The following DDX23 variants were observed in gnomAD, a reference collection of about 807,000 sequenced individuals.
DDX23 encodes the protein probable ATP-dependent RNA helicase DDX23.
A neutral mutation model predicts 102.7 loss-of-function variants in DDX23; 33 were observed. The observed-to-expected ratio is 0.32, with a 90% CI of 0.24 to 0.43. DDX23 has a LOEUF of 0.43. DDX23 is among the 20% of genes least tolerant of loss of function. The pLI is 1.00. For missense variants in DDX23, 549 were observed against 1,086.6 expected (o/e 0.51, Z 6.96); for synonymous variants, 352 against 376.0 (o/e 0.94, Z 0.74).
chr12:48,829,767 A>G lies in DDX23; in HGVS notation c.*702T>C, dbSNP rs150677223. The G allele has an allele frequency of 1.5e-3, 308 of 199,380 alleles. No individual in the cohort carries two copies. The highest frequency in any genetic ancestry group is 7.1e-3 in the African/African-American group (302 of 42,294). 12.4% of individuals were successfully genotyped at this position (199,380 alleles called of 1,614,324 possible). ...ACTAGAACTAGATCTAACAGTCTTA[A>G]TATTCATGTATTTATTCTCAGAACA... On this transcript the variant is annotated 3_prime_UTR_variant, in exon 17 of 17. Transcript: ENST00000308025.
chr12:48,845,359 G>T (rs1345114175), intron 2 of DDX23, among the ~76,000 whole-genome samples: 2 of 152,134 alleles, frequency 1.3e-5, no homozygotes, highest in Non-Finnish European at 2.9e-5. Context: ...GGAGGCAGAG[G>T]CAGGAGAATG....
intron 8 of DDX23, 29 bp from the exon 9 acceptor site, chr12:48,837,066 A>C: frequency 6.2e-7 from 1 of 1,613,098 alleles, no homozygotes; most frequent in Non-Finnish European, 8.5e-7. Context: ...AAAAGAAAAA[A>C]GAAGGAGCTG....
chr12:48,835,664 T>C (rs1938459114), intron 11 of DDX23, among the ~76,000 whole-genome samples: 1 of 151,960 alleles, frequency 6.6e-6, no homozygotes, highest in Non-Finnish European at 1.5e-5. Flanking sequence ...GAGCCGAGAT[T>C]GCGCCATTGC....
intron 5 of DDX23, 63 bp from the exon 6 acceptor site, chr12:48,838,143 T>C: frequency 1.9e-6 from 3 of 1,600,884 alleles, no homozygotes; most frequent in South Asian, 1.1e-5. Flanking sequence ...ACATCACTGA[T>C]GGGGAGATGG....
intron 1 of DDX23, among the ~76,000 whole-genome samples, chr12:48,849,307 G>C (rs1324040307): frequency 6.6e-6 from 1 of 151,960 alleles, no homozygotes; most frequent in Non-Finnish European, 1.5e-5. Context: ...GACCAGCCAG[G>C]GTAATATAGC....
intron 11 of DDX23, chr12:48,835,269 A>C (rs779649419): frequency 5.2e-5 from 9 of 173,780 alleles, no homozygotes; most frequent in Non-Finnish European, 8.8e-5. Context: ...ATAAATAATA[A>C]ATACATAAAA....
In DDX23 at chr12:48,832,989, C is replaced by CT. The variant is rs995189583; in HGVS notation, c.1803+287dup. The CT allele has an allele frequency of 1.0e-3, 479 of 460,490 alleles. No homozygotes were observed. Among genetic ancestry groups the CT allele is most frequent in the East Asian group, 1.5e-3 (35 of 23,138 alleles). 28.5% of individuals were successfully genotyped at this position (460,490 alleles called of 1,614,324 possible). On this transcript the variant is annotated intron_variant, in intron 13 of 16. Transcript: ENST00000308025. The surrounding 1 kb of genome is among the most constrained non-coding windows in gnomAD (Gnocchi z 4.4). ...AGGTTGGCAACCTTGTACAACTTTT[C>CT]TTTTTTTTTGAGACAGGGCCTCACT...
intron 3 of DDX23, among the ~76,000 whole-genome samples, chr12:48,841,548 T>G (rs373035893): frequency 3.3e-5 from 5 of 151,916 alleles, no homozygotes; most frequent in African/African-American, 1.2e-4. Flanking sequence ...CTCGGCTCAC[T>G]GCAACCTCCC....
intron 1 of DDX23, among the ~76,000 whole-genome samples, chr12:48,850,033 C>A (rs146795974): frequency 6.9e-4 from 105 of 152,294 alleles, no homozygotes; most frequent in African/African-American, 2.5e-3. Flanking sequence ...TGGATTTTAA[C>A]TGCAATGGGG....
Position 48,832,578 on chromosome 12 carries a change from GA to G in DDX23, c.1804-6del. The G allele has an allele frequency of 6.2e-7, 1 of 1,613,536 alleles. No homozygotes were observed. Among genetic ancestry groups the G allele is most frequent in the South Asian group, 1.1e-5 (1 of 91,058 alleles). ...GGTGGCCGTGAACATGACTGTCTACGAAAACAGGAGGCTCAGCCCTGCACCC... is the reference window on the plus strand; with the variant it reads ...GGTGGCCGTGAACATGACTGTCTACGAAACAGGAGGCTCAGCCCTGCACCC... On this transcript the variant is annotated splice_polypyrimidine_tract_variant and splice_region_variant and intron_variant, in intron 13 of 16. Transcript: ENST00000308025. The surrounding 1 kb of genome is among the most constrained non-coding windows in gnomAD (Gnocchi z 4.4).
chr12:48,835,976 T>C, intron 11 of DDX23, 145 bp downstream of exon 11: 3 of 950,646 alleles, frequency 3.2e-6, no homozygotes, highest in Non-Finnish European at 4.8e-6. Flanking sequence ...TTCGATATCA[T>C]GATCCAATTA....
At chr12:48,840,407 A>G (rs540143462) in intron 3 of DDX23, among the ~76,000 whole-genome samples, 1 of 152,238 alleles carries the variant, frequency 6.6e-6, no homozygotes, top group African/African-American at 2.4e-5. Context: ...GCGGTGTCTC[A>G]TGCCTATAAT....
intron 3 of DDX23, among the ~76,000 whole-genome samples, chr12:48,841,705 C>G (rs1201885967): frequency 1.3e-5 from 2 of 152,248 alleles, no homozygotes; most frequent in Admixed American, 1.3e-4. Context: ...GCGAGTGATC[C>G]GCCAGCCTCG....
At chr12:48,831,711 G>A (rs1230816733) in intron 15 of DDX23, 8 of 429,498 alleles carry the variant, frequency 1.9e-5, no homozygotes, top group Non-Finnish European at 3.0e-5. Context: ...AGGAGTAAAG[G>A]ACACTGATTA....
intron 3 of DDX23, among the ~76,000 whole-genome samples, chr12:48,841,925 G>A (rs1457843867): frequency 2.8e-4 from 41 of 148,044 alleles, no homozygotes; most frequent in South Asian, 6.5e-4. Context: ...GCCGCCCATC[G>A]TCTGAGATGT....
Position 48,832,809 on chromosome 12 carries a change from T to G in DDX23, c.1804-236A>C, listed in dbSNP as rs1436782667. 3.5e-6 allele frequency: 2 copies of G among 568,952 alleles called. No individual in the cohort carries two copies. Among genetic ancestry groups the G allele is most frequent in the African/African-American group, 3.7e-5 (2 of 53,388 alleles). 35.2% of individuals were successfully genotyped at this position (568,952 alleles called of 1,614,324 possible). A position where few individuals can be genotyped will look rare whatever the true frequency, so the allele number is the denominator to read the frequency against. ...AGGATTGAGAGCATTTGCTAGCACCTGTGGTCCCGGTAGCAGCATGAGTCT... is the reference window on the plus strand; with the variant it reads ...AGGATTGAGAGCATTTGCTAGCACCGGTGGTCCCGGTAGCAGCATGAGTCT... On this transcript the variant is annotated intron_variant, in intron 13 of 16. Transcript: ENST00000308025. The surrounding 1 kb of genome is among the most constrained non-coding windows in gnomAD (Gnocchi z 4.4).
rs371934985 is a variant in DDX23, at chr12:48,837,054, G to A, written c.867-17C>T. The stretch of plus-strand genomic sequence containing the variant: ...TCTTTGTACCTGGGATTGAGATAGA[G>A]GAAAAGAAAAAAGAAGGAGCTGTTA... On this transcript the variant is annotated splice_polypyrimidine_tract_variant and intron_variant, in intron 8 of 16. Coordinates refer to ENST00000308025, the MANE Select transcript of DDX23 (RefSeq NM_004818.3). The A allele has an allele frequency of 1.2e-6, 2 of 1,611,464 alleles. No individual in the cohort carries two copies. Among genetic ancestry groups the A allele is most frequent in the Non-Finnish European group, 1.7e-6 (2 of 1,179,372 alleles).
intron 11 of DDX23, 85 bp from the exon 12 acceptor site, chr12:48,834,582 G>C: frequency 7.9e-7 from 1 of 1,258,796 alleles, no homozygotes. Context: ...TCACTCTTAC[G>C]GGGAGCAATG....
At position 48,840,260 on chromosome 12, in the gene DDX23, T is replaced by C. The variant is rs183243754; in HGVS notation, c.321-154A>G. 1,095 of 713,136 alleles carry C rather than the reference T, an allele frequency of 1.5e-3. 3 individuals are homozygous for C. The highest frequency in any genetic ancestry group is 2.2e-3 in the Middle Eastern group (6 of 2,752). The allele number at this position is 713,136 out of a possible 1,614,324, so 44.2% of individuals were successfully genotyped here. A position where few individuals can be genotyped will look rare whatever the true frequency, so the allele number is the denominator to read the frequency against. ...TGTCTTGAAACTCTCTTAGCAGGCA[T>C]GGTCATTCTGCCAGCTCTGAAACCT... is the stretch of plus-strand genomic sequence containing the variant. On this transcript the variant is annotated intron_variant, in intron 3 of 16. Transcript: ENST00000308025.
Sources: allele counts gnomAD v4.1 joint callset (sites outside exome capture counted in the v4.1 genomes callset), GRCh38; gene constraint gnomAD v4.1.1; non-coding constraint Gnocchi (gnomAD v3.1); transcripts MANE v1.5; gene names NCBI Gene and HGNC (gene_info 2026-07-23, HGNC 2026-07-21).